The following PDGFRL variants were observed in gnomAD, a reference collection of about 807,000 sequenced individuals.
PDGFRL encodes the protein platelet derived growth factor receptor like.
In PDGFRL, 46 loss-of-function variants were observed where a neutral mutation model predicts 37.2. That is an observed-to-expected ratio of 1.24 (90% CI 0.98 to 1.58). The LOEUF is 1.58. PDGFRL is among the 40% of genes most tolerant of loss of function. PDGFRL has a pLI of 0.00. For synonymous variants in PDGFRL, 251 were observed against 184.3 expected, an observed-to-expected ratio of 1.36 and a Z score of -2.93; for missense variants, 692 against 467.6, an observed-to-expected ratio of 1.48 and a Z score of -4.43.
intron 5 of PDGFRL, among the ~76,000 whole-genome samples, chr8:17,636,051 C>G (rs1455948348): frequency 2.0e-5 from 3 of 152,352 alleles, no homozygotes; most frequent in Non-Finnish European, 2.9e-5. Context: ...CAAAAATTTT[C>G]TCCCACTCTG....
At chr8:17,628,893 A>ATTGTTGTTGGGTTG in intron 4 of PDGFRL, 113 bp downstream of exon 4, 1 of 690,938 alleles carries the variant, frequency 1.4e-6, no homozygotes, top group Non-Finnish European at 2.5e-6. Flanking sequence ...CTTTTGTTTC[A>ATTGTTGTTGGGTTG]TTGTTGTTGG....
At chr8:17,601,742 G>T (rs1179146260) in intron 2 of PDGFRL, among the ~76,000 whole-genome samples, 3 of 152,054 alleles carry the variant, frequency 2.0e-5, no homozygotes, top group African/African-American at 7.2e-5. Flanking sequence ...TTCCTGTGTT[G>T]GTTTACTTAG....
chr8:17,580,718 T>A (rs1472325580), intron 1 of PDGFRL, among the ~76,000 whole-genome samples: 1 of 152,116 alleles, frequency 6.6e-6, no homozygotes, highest in Non-Finnish European at 1.5e-5. Flanking sequence ...ATGGGAGGCT[T>A]TAAAACCGCA....
intron 2 of PDGFRL, among the ~76,000 whole-genome samples, chr8:17,591,690 C>T (rs1330215413): frequency 2.0e-5 from 3 of 152,130 alleles, no homozygotes; most frequent in East Asian, 3.9e-4. Context: ...CCAAGGCGGG[C>T]GGATCGTCAT....
At chr8:17,576,869 T>G (rs1298520401), upstream of PDGFRL, 2 of 251,834 alleles carry the variant, frequency 7.9e-6, no homozygotes, top group South Asian at 8.3e-5. Context: ...GCTGGTAACA[T>G]TTGGACAATC....
intron 1 of PDGFRL, among the ~76,000 whole-genome samples, chr8:17,589,012 T>C (rs997228386): frequency 6.6e-6 from 1 of 152,150 alleles, no homozygotes; most frequent in Non-Finnish European, 1.5e-5. Flanking sequence ...GATAATTACA[T>C]GACTTTTACT....
chr8:17,604,613 A>G (rs1804234163), intron 2 of PDGFRL, among the ~76,000 whole-genome samples: 1 of 152,170 alleles, frequency 6.6e-6, no homozygotes, highest in South Asian at 2.1e-4. Flanking sequence ...GAGGGATAGC[A>G]TTAGGAGATA....
chr8:17,588,810 A>G (rs1803872192), intron 1 of PDGFRL, among the ~76,000 whole-genome samples: 1 of 152,160 alleles, frequency 6.6e-6, no homozygotes, highest in Non-Finnish European at 1.5e-5. Flanking sequence ...AAGTAAACAA[A>G]CAGCCTTGAA....
intron 2 of PDGFRL, among the ~76,000 whole-genome samples, chr8:17,597,896 G>C (rs1034636888): frequency 6.6e-6 from 1 of 152,280 alleles, no homozygotes; most frequent in Admixed American, 6.5e-5. Flanking sequence ...GTAACCTGCA[G>C]TGATTTCATA....
intron 1 of PDGFRL, among the ~76,000 whole-genome samples, chr8:17,581,471 T>A (rs1221528588): frequency 6.6e-6 from 1 of 152,136 alleles, no homozygotes; most frequent in Non-Finnish European, 1.5e-5. Context: ...AGGTAGGTGC[T>A]ATGGTTTGCC....
At chr8:17,616,444 C>T (rs1277159325) in intron 2 of PDGFRL, among the ~76,000 whole-genome samples, 6 of 151,808 alleles carry the variant, frequency 4.0e-5, no homozygotes, top group Non-Finnish European at 7.4e-5. Context: ...CCACCCACCT[C>T]GGCCTCCCAA....
At chr8:17,640,474 C>T (rs897266791) in intron 5 of PDGFRL, among the ~76,000 whole-genome samples, 2 of 152,184 alleles carry the variant, frequency 1.3e-5, no homozygotes, top group African/African-American at 4.8e-5. Context: ...GGGGTGCTCT[C>T]TTGATACAGT....
At chr8:17,628,286 G>A (rs530090129) in intron 3 of PDGFRL, among the ~76,000 whole-genome samples, 2 of 151,950 alleles carry the variant, frequency 1.3e-5, no homozygotes, top group African/African-American at 4.8e-5. Flanking sequence ...GAGCTACCGC[G>A]CCCAGCCTTC....
At chr8:17,619,678 T>C (rs1442468674) in intron 2 of PDGFRL, among the ~76,000 whole-genome samples, 1 of 152,226 alleles carries the variant, frequency 6.6e-6, no homozygotes, top group African/African-American at 2.4e-5. Context: ...CTTATCTTTA[T>C]TGATGAAAGG....
In PDGFRL at chr8:17,581,878, A is replaced by G. The variant is rs972368163; in HGVS notation, c.55+4571A>G. On this transcript the variant is annotated intron_variant, in intron 1 of 5. Coordinates refer to ENST00000251630, the MANE Select transcript of PDGFRL (RefSeq NM_001372073.1). ...ATAGCAATGCGAAATGAACTAACACAGAAAATTGGTACCAAGGAGTGGGAT... is the reference window on the plus strand; with the variant it reads ...ATAGCAATGCGAAATGAACTAACACGGAAAATTGGTACCAAGGAGTGGGAT... Among the ~76,000 whole-genome samples, 3 of 152,168 alleles carry G rather than the reference A, an allele frequency of 2.0e-5. No homozygotes were observed. The South Asian group carries it at 6.2e-4, about 31-fold the overall frequency.
At chr8:17,621,258 C>G (rs1478598250) in intron 3 of PDGFRL, 56 bp downstream of exon 3, 1 of 1,263,590 alleles carries the variant, frequency 7.9e-7, no homozygotes, top group African/African-American at 1.5e-5. Context: ...GGGCTGAGAG[C>G]TGAAGGTTCC....
Position 17,643,144 on chromosome 8 carries a change from A to G in PDGFRL, c.*343A>G. 1 of 219,374 alleles carries G rather than the reference A, an allele frequency of 4.6e-6. No individual in the cohort carries two copies. Among genetic ancestry groups the G allele is most frequent in the South Asian group, 9.1e-5 (1 of 10,958 alleles). 13.6% of individuals were successfully genotyped at this position (219,374 alleles called of 1,614,324 possible). On this transcript the variant is annotated 3_prime_UTR_variant, in exon 6 of 6. Transcript: ENST00000251630. ...AGTGGGATAAGTGTTTTTTAAGTTA[A>G]GTTGACTTAAAATACATCCAGAAAG... is the stretch of plus-strand genomic sequence containing the variant.
chr8:17,639,787 G>C (rs1805052764), intron 5 of PDGFRL, among the ~76,000 whole-genome samples: 1 of 152,158 alleles, frequency 6.6e-6, no homozygotes, highest in Non-Finnish European at 1.5e-5. Flanking sequence ...AATTTCTCAG[G>C]TGTTCTTTGA....
intron 2 of PDGFRL, 46 bp from the exon 3 acceptor site, chr8:17,620,997 GAGGGCCCC>G: frequency 7.0e-7 from 1 of 1,438,562 alleles, no homozygotes; most frequent in Non-Finnish European, 9.4e-7. Flanking sequence ...GTGACAGCTG[GAGGGCCCC>G]AGCCAGGTCT....
Sources: gnomAD v4.1 joint callset for allele counts (sites outside exome capture counted in the v4.1 genomes callset) on GRCh38, gnomAD v4.1.1 for gene constraint, MANE v1.5 for transcripts, NCBI Gene and HGNC (gene_info 2026-07-23, HGNC 2026-07-21) for gene names.